The following HIVEP3 variants were observed in gnomAD, a reference collection of about 807,000 sequenced individuals.
The protein encoded by HIVEP3 is HIVEP zinc finger 3, also known as transcription factor HIVEP3.
In HIVEP3, 49 loss-of-function variants were observed where a neutral mutation model predicts 152.8. That is an observed-to-expected ratio of 0.32 (90% CI 0.26 to 0.41). The LOEUF (loss-of-function observed/expected upper bound fraction) is 0.41, where lower values mean the gene tolerates loss of function less well. Among genes scored for constraint, HIVEP3 ranks in the 10% least tolerant of loss-of-function variants. The pLI is 1.00. For missense variants in HIVEP3, 2,790 were observed against 3,103.3 expected (o/e 0.90, Z 2.40); for synonymous variants, 1,269 against 1,289.0 (o/e 0.98, Z 0.33).
chr1:41,626,409 C>T (rs935601661), intron 3 of HIVEP3, among the ~76,000 whole-genome samples: 1 of 152,192 alleles, frequency 6.6e-6, no homozygotes, highest in African/African-American at 2.4e-5. Flanking sequence ...ACTGACAGCT[C>T]ATTTCCCTCT....
intron 1 of HIVEP3, among the ~76,000 whole-genome samples, chr1:41,782,255 G>A (rs1649088924): frequency 6.6e-6 from 1 of 152,226 alleles, no homozygotes; most frequent in Non-Finnish European, 1.5e-5. Context: ...GGTACCTAGA[G>A]TAGTCAAATT....
intron 1 of HIVEP3, among the ~76,000 whole-genome samples, chr1:41,796,690 TC>T (rs1650002541): frequency 1.3e-5 from 2 of 152,246 alleles, no homozygotes; most frequent in African/African-American, 4.8e-5. Flanking sequence ...TCTTGGTACT[TC>T]TCTGTATTTT....
chr1:41,704,997 C>T (rs890583629), intron 1 of HIVEP3, among the ~76,000 whole-genome samples: 2 of 152,208 alleles, frequency 1.3e-5, no homozygotes, highest in Non-Finnish European at 2.9e-5. Context: ...TACCAGTATG[C>T]AAGGCAATTC....
At chr1:41,613,127 A>G (rs1347040961) in intron 3 of HIVEP3, among the ~76,000 whole-genome samples, 1 of 152,230 alleles carries the variant, frequency 6.6e-6, no homozygotes, top group Non-Finnish European at 1.5e-5. Context: ...CACTGCCTGC[A>G]GGGACACTCC....
At chr1:41,971,059 C>T (rs976361196) in intron 1 of HIVEP3, among the ~76,000 whole-genome samples, 1 of 152,126 alleles carries the variant, frequency 6.6e-6, no homozygotes, top group East Asian at 1.9e-4. Context: ...AATTTCAAAA[C>T]ATTAGTGTTT....
chr1:41,630,909 A>G (rs1214131789), intron 2 of HIVEP3, among the ~76,000 whole-genome samples: 1 of 152,258 alleles, frequency 6.6e-6, no homozygotes, highest in Non-Finnish European at 1.5e-5. Flanking sequence ...GAAATACAGT[A>G]ATAGACATAA....
chr1:41,946,095 G>A (rs1280610155), intron 1 of HIVEP3, among the ~76,000 whole-genome samples: 3 of 152,178 alleles, frequency 2.0e-5, no homozygotes, highest in Admixed American at 2.0e-4. Context: ...TCTGGAAACG[G>A]GAAAAGCTGG....
chr1:41,702,674 G>A (rs894600653), intron 1 of HIVEP3, among the ~76,000 whole-genome samples: 3 of 152,122 alleles, frequency 2.0e-5, no homozygotes, highest in South Asian at 2.1e-4. Context: ...CCTGGCCTGT[G>A]AGCCCCTAGG....
intron 1 of HIVEP3, among the ~76,000 whole-genome samples, chr1:42,019,660 TAC>T (rs1036827555): frequency 6.6e-6 from 1 of 152,040 alleles, no homozygotes; most frequent in African/African-American, 2.4e-5. Context: ...TTTCTATATA[TAC>T]AGTCATGTTG....
chr1:41,689,250 C>T (rs1461583163), intron 2 of HIVEP3, among the ~76,000 whole-genome samples: 1 of 152,216 alleles, frequency 6.6e-6, no homozygotes, highest in Admixed American at 6.5e-5. Flanking sequence ...GTGACCTCAA[C>T]CCCCTGCTGG....
chr1:41,789,774 G>C (rs1185559508), intron 1 of HIVEP3, among the ~76,000 whole-genome samples: 1 of 152,214 alleles, frequency 6.6e-6, no homozygotes, highest in East Asian at 1.9e-4. Context: ...AGTGAGCTGA[G>C]ACCTTGGTCA....
chr1:41,899,931 C>T (rs553201313), intron 1 of HIVEP3, among the ~76,000 whole-genome samples: 1 of 152,212 alleles, frequency 6.6e-6, no homozygotes, highest in Non-Finnish European at 1.5e-5. Flanking sequence ...AAAACATTCT[C>T]AGGCCATGAT....
At chr1:41,516,346 C>T (rs1419035675) in intron 7 of HIVEP3, among the ~76,000 whole-genome samples, 3 of 152,226 alleles carry the variant, frequency 2.0e-5, no homozygotes, top group Admixed American at 2.0e-4. Flanking sequence ...AGTTCTCCCA[C>T]GCGCCACCTC....
chr1:41,927,844 G>A (rs1415841851), intron 1 of HIVEP3, among the ~76,000 whole-genome samples: 2 of 152,012 alleles, frequency 1.3e-5, no homozygotes, highest in East Asian at 1.9e-4. Context: ...GGCAGATCAC[G>A]AAGTCAGGAG....
intron 3 of HIVEP3, among the ~76,000 whole-genome samples, chr1:41,605,358 TACACAC>T (rs1644805636): frequency 7.7e-6 from 1 of 130,676 alleles, no homozygotes; most frequent in African/African-American, 3.1e-5. Flanking sequence ...AGATATTACA[TACACAC>T]ACGCACACGC....
rs1432984808 is a variant in HIVEP3, at chr1:41,876,071, T to TA, written c.-801+42341dup. ...TCCTTTCTGGGGAAGGATTGCTTCA[T>TA]AATCTGAGATTATGTTCCTTCTACT... is the stretch of plus-strand genomic sequence containing the variant. On this transcript the variant is annotated intron_variant, in intron 1 of 8. Coordinates refer to ENST00000372583, the MANE Select transcript of HIVEP3 (RefSeq NM_024503.5). Among the ~76,000 whole-genome samples, 205 of 152,000 alleles carry TA rather than the reference T, an allele frequency of 1.3e-3. 1 individual carries two copies. Among genetic ancestry groups the TA allele is most frequent in the Non-Finnish European group, 3.8e-4 (26 of 67,966 alleles).
At chr1:41,929,021 T>C (rs1433029458) in intron 1 of HIVEP3, among the ~76,000 whole-genome samples, 1 of 152,178 alleles carries the variant, frequency 6.6e-6, no homozygotes, top group African/African-American at 2.4e-5. Context: ...CCCTTTGCAA[T>C]TGATAAATAT....
intron 1 of HIVEP3, among the ~76,000 whole-genome samples, chr1:41,901,616 A>G (rs1259427537): frequency 6.6e-6 from 1 of 152,198 alleles, no homozygotes; most frequent in Non-Finnish European, 1.5e-5. Context: ...TAAACTTCAC[A>G]AAATGCCACT....
intron 3 of HIVEP3, among the ~76,000 whole-genome samples, chr1:41,589,534 C>T (rs576158237): frequency 1.3e-5 from 2 of 152,192 alleles, no homozygotes; most frequent in Non-Finnish European, 2.9e-5. Flanking sequence ...GTATCGAAGG[C>T]GTCAGGACAA....
Sources: gnomAD v4.1 joint callset for allele counts (sites outside exome capture counted in the v4.1 genomes callset) on GRCh38, gnomAD v4.1.1 for gene constraint, MANE v1.5 for transcripts, NCBI Gene and HGNC (gene_info 2026-07-23, HGNC 2026-07-21) for gene names.